The following CSMD1 variants were observed in gnomAD, a reference collection of about 807,000 sequenced individuals.
The protein encoded by CSMD1 is CUB and sushi domain-containing protein 1.
CSMD1 carries 213 observed loss-of-function variants against 417.5 expected under a neutral mutation model. The observed-to-expected ratio is 0.51, with a 90% confidence interval of 0.46 to 0.57. The LOEUF is 0.57. Ranked by LOEUF, CSMD1 falls within the 20% of genes least tolerant of loss-of-function variation. The pLI is 0.00. For missense variants in CSMD1, 6,923 were observed against 4,529.7 expected (o/e 1.53, Z -15.17); for synonymous variants, 2,862 against 1,736.8 (o/e 1.65, Z -16.11).
chr8:4,126,717 G>C (rs1049998321), intron 3 of CSMD1, among the ~76,000 whole-genome samples: 1 of 152,144 alleles, frequency 6.6e-6, no homozygotes, highest in Non-Finnish European at 1.5e-5. Flanking sequence ...CCTGGAAGCT[G>C]CTCCTCTCCG....
chr8:3,710,248 C>T (rs945058593), intron 6 of CSMD1, among the ~76,000 whole-genome samples: 38 of 152,018 alleles, frequency 2.5e-4, no homozygotes, highest in African/African-American at 7.7e-4. Context: ...TAAGTGGATC[C>T]ATGCAGTTTA....
chr8:3,176,026 G>C (rs2129045693), intron 37 of CSMD1, among the ~76,000 whole-genome samples: 1 of 152,220 alleles, frequency 6.6e-6, no homozygotes. Context: ...ATTAATTTTG[G>C]ATAGATGTCA....
intron 5 of CSMD1, among the ~76,000 whole-genome samples, chr8:3,875,450 G>C (rs953079178): frequency 6.6e-6 from 1 of 152,154 alleles, no homozygotes; most frequent in Non-Finnish European, 1.5e-5. Context: ...GATGATGTAG[G>C]TGAATGGGTG....
At chr8:4,754,614 G>A (rs1270137777) in intron 1 of CSMD1, among the ~76,000 whole-genome samples, 1 of 151,916 alleles carries the variant, frequency 6.6e-6, no homozygotes, top group African/African-American at 2.4e-5. Flanking sequence ...AACTTTGGGA[G>A]GCAGAGGTGG....
At chr8:3,840,908 T>A (rs1006925504) in intron 5 of CSMD1, among the ~76,000 whole-genome samples, 1 of 151,990 alleles carries the variant, frequency 6.6e-6, no homozygotes. Flanking sequence ...GGTTTCACCA[T>A]ATCGGTCAGG....
chr8:4,673,546 T>A (rs1397023528), intron 1 of CSMD1, among the ~76,000 whole-genome samples: 1 of 152,176 alleles, frequency 6.6e-6, no homozygotes, highest in East Asian at 1.9e-4. Flanking sequence ...TTAGTTCCCC[T>A]TTAATATCTA....
intron 26 of CSMD1, among the ~76,000 whole-genome samples, chr8:3,262,150 C>CA (rs1801111875): frequency 7.4e-6 from 1 of 135,706 alleles, no homozygotes; most frequent in Non-Finnish European, 1.5e-5. Flanking sequence ...ACAGTGAATG[C>CA]AAACCATTTT....
intron 2 of CSMD1, among the ~76,000 whole-genome samples, chr8:4,622,654 G>A (rs144996681): frequency 2.6e-5 from 4 of 152,238 alleles, no homozygotes; most frequent in African/African-American, 7.2e-5. Flanking sequence ...AGGGCAATAT[G>A]CTAATAACTG....
intron 10 of CSMD1, among the ~76,000 whole-genome samples, chr8:3,539,291 C>G (rs1347162085): frequency 1.3e-5 from 2 of 152,200 alleles, no homozygotes; most frequent in African/African-American, 2.4e-5. Flanking sequence ...TGTCTTCCCC[C>G]TACTGCCTAC....
intron 6 of CSMD1, among the ~76,000 whole-genome samples, chr8:3,753,481 G>C (rs897561259): frequency 1.6e-4 from 24 of 152,122 alleles, no homozygotes; most frequent in African/African-American, 5.3e-4. Flanking sequence ...GATTCATTGT[G>C]TGTAAATTAC....
chr8:4,794,487 C>G (rs1481019841), intron 1 of CSMD1, among the ~76,000 whole-genome samples: 1 of 152,136 alleles, frequency 6.6e-6, no homozygotes, highest in African/African-American at 2.4e-5. Flanking sequence ...AAATGGGCAG[C>G]AAGTCACTGT....
intron 3 of CSMD1, among the ~76,000 whole-genome samples, chr8:4,203,688 TCA>T (rs925590242): frequency 6.6e-6 from 1 of 151,776 alleles, no homozygotes; most frequent in African/African-American, 2.4e-5. Context: ...TAAGTAGGGA[TCA>T]CACACACACA....
chr8:3,044,739 A>G (rs1811326842), intron 50 of CSMD1, among the ~76,000 whole-genome samples: 1 of 152,182 alleles, frequency 6.6e-6, no homozygotes, highest in African/African-American at 2.4e-5. Context: ...TTTACTAAAA[A>G]CCTGAGGGTG....
At chr8:4,641,583 C>T (rs1212117843) in intron 1 of CSMD1, among the ~76,000 whole-genome samples, 2 of 152,110 alleles carry the variant, frequency 1.3e-5, no homozygotes, top group Non-Finnish European at 2.9e-5. Context: ...AGTAAGTTGT[C>T]CAAAGTCTTC....
At chr8:4,122,725 T>C (rs1009512893) in intron 3 of CSMD1, among the ~76,000 whole-genome samples, 10 of 152,124 alleles carry the variant, frequency 6.6e-5, no homozygotes, top group African/African-American at 2.4e-4. Context: ...GATTTTTTCC[T>C]AGAAGTAACA....
chr8:3,039,346 C>CTTA (rs1160724813), intron 50 of CSMD1, among the ~76,000 whole-genome samples: 15 of 147,380 alleles, frequency 1.0e-4, no homozygotes, highest in African/African-American at 3.6e-4. Context: ...TTCCTTTCCG[C>CTTA]CTTCCTTCCT....
chr8:4,546,416 G>C (rs1454812218), intron 2 of CSMD1, among the ~76,000 whole-genome samples: 1 of 152,308 alleles, frequency 6.6e-6, no homozygotes, highest in Middle Eastern at 3.4e-3. Context: ...ATTAGAGTTT[G>C]AATCGGCAGA....
At chr8:3,527,529 T>G (rs549853845) in intron 10 of CSMD1, among the ~76,000 whole-genome samples, 1 of 152,172 alleles carries the variant, frequency 6.6e-6, no homozygotes, top group African/African-American at 2.4e-5. Flanking sequence ...GGGTGGTATC[T>G]CGATTGTGGC....
At chr8:4,138,281 G>C (rs200743873) in intron 3 of CSMD1, among the ~76,000 whole-genome samples, 7,665 of 87,176 alleles carry the variant, frequency 0.088, 2,358 homozygotes, top group Non-Finnish European at 0.16. Flanking sequence ...AAACTAAATG[G>C]CAAGATGCAG....
Sources: gnomAD v4.1 joint callset for allele counts (sites outside exome capture counted in the v4.1 genomes callset) on GRCh38, gnomAD v4.1.1 for gene constraint, MANE v1.5 for transcripts, NCBI Gene and HGNC (gene_info 2026-07-23, HGNC 2026-07-21) for gene names.